The following MARK2 variants were observed in gnomAD, a reference collection of about 807,000 sequenced individuals.
MARK2 encodes microtubule affinity regulating kinase 2.
MARK2 carries 16 observed loss-of-function variants against 89.8 expected under a neutral mutation model. That is an observed-to-expected ratio of 0.18 (90% CI 0.12 to 0.27). The LOEUF (loss-of-function observed/expected upper bound fraction) is 0.27. Ranked by LOEUF, MARK2 falls within the 10% of genes least tolerant of loss-of-function variation. The pLI is 1.00. For synonymous variants in MARK2, 382 were observed against 399.5 expected (o/e 0.96, Z 0.52); for missense variants, 621 against 1,049.9 (o/e 0.59, Z 5.65).
intron 1 of MARK2, among the ~76,000 whole-genome samples, chr11:63,869,538 G>A (rs1274230359): frequency 6.6e-6 from 1 of 152,142 alleles, no homozygotes; most frequent in Non-Finnish European, 1.5e-5. Context: ...GAGAGTCTGG[G>A]AGGGGCCGGG....
At chr11:63,895,006 C>G in intron 1 of MARK2, 153 bp from the exon 2 acceptor site, 1 of 613,086 alleles carries the variant, frequency 1.6e-6, no homozygotes. Context: ...CACCTCAGCC[C>G]CCTCTCCTTT....
chr11:63,905,450 G>A (rs1352527655), intron 16 of MARK2, among the ~76,000 whole-genome samples: 1 of 152,236 alleles, frequency 6.6e-6, no homozygotes, highest in Non-Finnish European at 1.5e-5. Context: ...ATTTTGTCCT[G>A]GTCTCTTGCC....
At chr11:63,849,893 A>G (rs1002498805) in intron 1 of MARK2, 2 of 150,038 alleles carry the variant, frequency 1.3e-5, no homozygotes, top group African/African-American at 2.5e-5. Context: ...TCTTATAGGT[A>G]TAGCTGTTAT....
At chr11:63,858,095 C>T (rs1456997652) in intron 1 of MARK2, among the ~76,000 whole-genome samples, 1 of 152,156 alleles carries the variant, frequency 6.6e-6, no homozygotes, top group Non-Finnish European at 1.5e-5. Flanking sequence ...GGCACCATCT[C>T]AGCTCACTAC....
chr11:63,904,943 C>T lies in MARK2; in HGVS notation c.1834C>T (p.Pro612Ser). 1.2e-6 allele frequency: 2 copies of T among 1,614,238 alleles called. No homozygotes were observed. The highest frequency in any genetic ancestry group is 1.7e-6 in the Non-Finnish European group (2 of 1,180,042). ...LRQVRDQQNL[P>S]YGVTPASPSG... ...ACAGGTGCGGGACCAGCAGAATTTG[C>T]CCTACGGTGTGACCCCAGCCTCTCC... is the stretch of plus-strand genomic sequence containing the variant. Residue 612 changes from proline to serine, a missense_variant, in exon 16 of 19, where the codon CCC becomes TCC. Transcript: ENST00000402010. This position sits in a 1 kb window ranked among gnomAD's most constrained non-coding sequence, Gnocchi z 6.3.
At chr11:63,880,407 A>G (rs1939018858) in intron 1 of MARK2, among the ~76,000 whole-genome samples, 1 of 152,186 alleles carries the variant, frequency 6.6e-6, no homozygotes, top group Admixed American at 6.5e-5. Context: ...CCTTAGAGTC[A>G]GTACATTGGT....
In MARK2 at chr11:63,909,387, T is replaced by G; in HGVS notation, c.*150T>G. 3 of 812,548 alleles carry G rather than the reference T, an allele frequency of 3.7e-6. No homozygotes were observed. The highest frequency in any genetic ancestry group is 5.4e-6 in the Non-Finnish European group (3 of 553,118). 50.3% of individuals were successfully genotyped at this position (812,548 alleles called of 1,614,324 possible). On this transcript the variant is annotated 3_prime_UTR_variant, in exon 19 of 19. Transcript: ENST00000402010. The stretch of plus-strand genomic sequence containing the variant: ...CTCCCTGGCCCTTCTCAGTTTTCTC[T>G]TACATGTTTGTGGGGGGTGGGAGAT...
chr11:63,889,039 A>G, intron 1 of MARK2: 1 of 1,206,982 alleles, frequency 8.3e-7, no homozygotes, highest in Non-Finnish European at 1.1e-6. Flanking sequence ...TAGGATCTTT[A>G]GAGAGTTGCT....
chr11:63,868,002 C>T (rs1019404658), intron 1 of MARK2, among the ~76,000 whole-genome samples: 15 of 152,308 alleles, frequency 9.8e-5, no homozygotes, highest in African/African-American at 3.6e-4. Flanking sequence ...TGTATCTTAT[C>T]CTTCTCTGTA....
Position 63,910,376 on chromosome 11 carries a change from G to A in MARK2, c.*1139G>A, listed in dbSNP as rs1941673929. ...CACTGCCGAGGGCCACCTGGCAGAA[G>A]GCTGAGTTAGGCAGCAGGGCCGGGA... On this transcript the variant is annotated 3_prime_UTR_variant, in exon 19 of 19. Transcript: ENST00000402010. The A allele has an allele frequency of 6.6e-6, 1 of 152,314 alleles. No homozygotes were observed. Among genetic ancestry groups the A allele is most frequent in the Non-Finnish European group, 1.5e-5 (1 of 68,104 alleles). The allele number at this position is 152,314 out of a possible 1,614,324, so 9.4% of individuals were successfully genotyped here.
intron 1 of MARK2, among the ~76,000 whole-genome samples, chr11:63,841,710 G>A (rs1158035605): frequency 6.6e-6 from 1 of 152,232 alleles, no homozygotes; most frequent in Non-Finnish European, 1.5e-5. Context: ...GCGATGGAGT[G>A]CCTACTCTCA....
intron 1 of MARK2, among the ~76,000 whole-genome samples, chr11:63,845,001 G>T (rs1051635637): frequency 6.6e-6 from 1 of 152,206 alleles, no homozygotes; most frequent in African/African-American, 2.4e-5. Flanking sequence ...AATGGGGTAG[G>T]GGGTGGGCGC....
chr11:63,839,256 G>A lies in MARK2; in HGVS notation c.-251G>A. ...AGAGTAGGCGGAGCGGCGCGGCCCG[G>A]CCGAAAGGCGGCACAGCCCAGCCGG... is the stretch of plus-strand genomic sequence containing the variant. On this transcript the variant is annotated 5_prime_UTR_variant, in exon 1 of 19. Coordinates refer to ENST00000402010, the MANE Select transcript of MARK2 (RefSeq NM_001039469.3). The A allele has an allele frequency of 3.7e-6, 1 of 266,706 alleles. No individual in the cohort carries two copies. The highest frequency in any genetic ancestry group is 7.0e-6 in the Non-Finnish European group (1 of 143,712). The allele number at this position is 266,706 out of a possible 1,614,324, so 16.5% of individuals were successfully genotyped here.
intron 1 of MARK2, among the ~76,000 whole-genome samples, chr11:63,852,254 T>C (rs1310182526): frequency 6.6e-6 from 1 of 152,238 alleles, no homozygotes. Flanking sequence ...ACTCAGTTTG[T>C]TCTTAGTACT....
chr11:63,843,135 C>T (rs1199210519), intron 1 of MARK2, among the ~76,000 whole-genome samples: 1 of 152,108 alleles, frequency 6.6e-6, no homozygotes, highest in East Asian at 1.9e-4. Flanking sequence ...GGGCTCGTAG[C>T]TTGGGGGATT....
chr11:63,905,739 G>A (rs976466496), intron 16 of MARK2, among the ~76,000 whole-genome samples: 1 of 152,204 alleles, frequency 6.6e-6, no homozygotes, highest in Non-Finnish European at 1.5e-5. Context: ...GGGATGCTCC[G>A]CATCCCCATC....
chr11:63,847,161 T>G (rs2016327821), intron 1 of MARK2, among the ~76,000 whole-genome samples: 1 of 152,216 alleles, frequency 6.6e-6, no homozygotes, highest in South Asian at 2.1e-4. Flanking sequence ...GGTGGTTCTT[T>G]CCGCAGATGT....
Position 63,895,651 on chromosome 11 carries a change from C to A in MARK2, c.288+18C>A. ...TCCAGAAAGTAAGCACATGGCACCT[C>A]CTGTCCCTTTTTTTTTTTTTTTTTT... On this transcript the variant is annotated intron_variant, in intron 3 of 18. Coordinates refer to ENST00000402010, the MANE Select transcript of MARK2 (RefSeq NM_001039469.3). 4 of 1,541,274 alleles carry A rather than the reference C, an allele frequency of 2.6e-6. No individual in the cohort carries two copies. The highest frequency in any genetic ancestry group is 2.7e-6 in the Non-Finnish European group (3 of 1,127,498).
intron 1 of MARK2, among the ~76,000 whole-genome samples, chr11:63,860,965 C>A (rs919307297): frequency 3.3e-5 from 5 of 152,124 alleles, no homozygotes; most frequent in Non-Finnish European, 7.3e-5. Flanking sequence ...CATATCAATT[C>A]GTGTCTACAT....
Sources: allele counts gnomAD v4.1 joint callset (sites outside exome capture counted in the v4.1 genomes callset), GRCh38; gene constraint gnomAD v4.1.1; non-coding constraint Gnocchi (gnomAD v3.1); transcripts MANE v1.5; gene names NCBI Gene and HGNC (gene_info 2026-07-23, HGNC 2026-07-21).